Variants in FUT8 observed in about 807,000 individuals in gnomAD.
FUT8 encodes the protein alpha-(1,6)-fucosyltransferase.
A neutral mutation model predicts 71.3 loss-of-function variants in FUT8; 29 were observed. The ratio of observed to expected loss-of-function variants is 0.41; its 90% confidence interval spans 0.30 to 0.55. The LOEUF (loss-of-function observed/expected upper bound fraction) is 0.55. FUT8 is among the 20% of genes least tolerant of loss of function. FUT8 has a pLI of 0.34. For synonymous variants in FUT8, 254 were observed against 239.3 expected (o/e 1.06, Z -0.57); for missense variants, 544 against 702.1 (o/e 0.77, Z 2.55).
upstream of FUT8, among the ~76,000 whole-genome samples, chr14:65,406,530 CTCTCTCTT>C (rs368524060): frequency 1.9e-4 from 29 of 152,120 alleles, 3 homozygotes; most frequent in African/African-American, 6.7e-4. Context: ...GTCTCTCGCT[CTCTCTCTT>C]TCTCTCTTTC....
rs60967671 is a variant in FUT8 at position 65,643,665 on chromosome 14, T to TACACACAC, written c.597+14102_597+14109dup. ...CGAGACTCCGTCTTTAAAAAAAAAA[T>TACACACAC]ACACACACACACACACACACACACA... On this transcript the variant is annotated intron_variant, in intron 6 of 10. Transcript: ENST00000673929. This position sits in a 1 kb window ranked among gnomAD's most constrained non-coding sequence, Gnocchi z 4.5. Among the ~76,000 whole-genome samples the TACACACAC allele has an allele frequency of 0.038, 4,732 of 124,596 alleles. 166 individuals are homozygous for TACACACAC. Among genetic ancestry groups the TACACACAC allele is most frequent in the South Asian group, 0.053 (176 of 3,342 alleles). The allele number at this position is 124,596 out of a possible 152,430, so 81.7% of individuals were successfully genotyped here.
chr14:65,599,342 A>G (rs947557216), intron 3 of FUT8, among the ~76,000 whole-genome samples: 4 of 152,222 alleles, frequency 2.6e-5, no homozygotes, highest in Admixed American at 6.5e-5. Flanking sequence ...TACTTCTAAC[A>G]GTGGTTCACC....
intron 2 of FUT8, among the ~76,000 whole-genome samples, chr14:65,514,851 C>A (rs918480041): frequency 6.6e-6 from 1 of 152,180 alleles, no homozygotes; most frequent in Non-Finnish European, 1.5e-5. Flanking sequence ...TTCTCCTCTT[C>A]AAAATGGAGA....
At chr14:65,384,705 G>GGGT in the FUT8 span, among the ~76,000 whole-genome samples, 2 of 152,110 alleles carry the variant, frequency 1.3e-5, no homozygotes, top group African/African-American at 2.4e-5. This position sits in a 1 kb window ranked among gnomAD's most constrained non-coding sequence, Gnocchi z 4.2. Context: ...CTCAACTGTT[G>GGGT]GGTGCATTTA....
At position 65,610,508 on chromosome 14, in the gene FUT8, GC is replaced by G. The variant is rs539091168; in HGVS notation, c.204-5468del. Among the ~76,000 whole-genome samples, 580 of 151,404 alleles carry G rather than the reference GC, an allele frequency of 3.8e-3. 1 individual carries two copies. The highest frequency in any genetic ancestry group is 0.013 in the African/African-American group (543 of 41,250). On this transcript the variant is annotated intron_variant, in intron 3 of 10. Transcript: ENST00000673929. Reference sequence around the variant, plus strand: ...AGGTTCAAGCAATTCTCCTGCCTCAGCCTCCCGAGTAGCTGGGATTACAGGC... The same window carrying G: ...AGGTTCAAGCAATTCTCCTGCCTCAGCTCCCGAGTAGCTGGGATTACAGGC...
chr14:65,366,985 G>C, the FUT8 span, among the ~76,000 whole-genome samples: 1 of 152,156 alleles, frequency 6.6e-6, no homozygotes, highest in African/African-American at 2.4e-5. Flanking sequence ...AAGGGGAAAT[G>C]AAAGAGAGAA....
rs74245854 is a variant in FUT8 at position 65,567,907 on chromosome 14, G to A, written c.203+6141G>A. Among the ~76,000 whole-genome samples the A allele has an allele frequency of 5.1e-3, 781 of 151,942 alleles. 19 individuals carry two copies. The East Asian group carries it at 0.078, about 15-fold the overall frequency. On this transcript the variant is annotated intron_variant, in intron 3 of 10. Transcript: ENST00000673929. ...TTTTTCCTTCTTGTGATGTCTTTCA[G>A]GTTATCAAGGTTTATGCAGGCCAAT...
chr14:65,507,252 A>G (rs991861031), intron 2 of FUT8, among the ~76,000 whole-genome samples: 3 of 152,208 alleles, frequency 2.0e-5, no homozygotes, highest in African/African-American at 7.2e-5. Flanking sequence ...GCCTTCAACC[A>G]TGTCTATTAC....
chr14:65,735,009 G>A (rs1354718372), intron 10 of FUT8, among the ~76,000 whole-genome samples: 1 of 152,102 alleles, frequency 6.6e-6, no homozygotes, highest in Non-Finnish European at 1.5e-5. Flanking sequence ...CCCCTGTGGA[G>A]CAAAATTGCC....
chr14:65,512,805 A>G (rs945729924), intron 2 of FUT8, among the ~76,000 whole-genome samples: 11 of 148,986 alleles, frequency 7.4e-5, no homozygotes, highest in African/African-American at 2.7e-4. Flanking sequence ...GCTACTCAGG[A>G]GGCTGAGGAA....
chr14:65,595,558 ATTCT>A (rs1290651692), intron 3 of FUT8, among the ~76,000 whole-genome samples: 1 of 146,888 alleles, frequency 6.8e-6, no homozygotes, highest in Non-Finnish European at 1.5e-5. Flanking sequence ...TATTCCTTAT[ATTCT>A]TTATCAAATA....
At chr14:65,737,235 A>G (rs1896260558) in intron 10 of FUT8, among the ~76,000 whole-genome samples, 1 of 151,960 alleles carries the variant, frequency 6.6e-6, no homozygotes, top group South Asian at 2.1e-4. Flanking sequence ...TCTGCTCTCT[A>G]ATTTTGTTAC....
At chr14:65,731,424 A>T (rs1188161458) in intron 9 of FUT8, among the ~76,000 whole-genome samples, 1 of 152,204 alleles carries the variant, frequency 6.6e-6, no homozygotes, top group Non-Finnish European at 1.5e-5. Flanking sequence ...AGTATCTGAA[A>T]CCTCAAGGTA....
rs1018941563 is a variant in FUT8, at chr14:65,664,276, C to T, written c.598-4967C>T. On this transcript the variant is annotated intron_variant, in intron 6 of 10. Coordinates refer to ENST00000673929, the MANE Select transcript of FUT8 (RefSeq NM_001371533.1). ...GAGAATATTATTTATTCCCAGGATC[C>T]TTATATAATATTGTACAGAAATTAA... Among the ~76,000 whole-genome samples the T allele has an allele frequency of 3.3e-5, 5 of 152,008 alleles. 1 individual carries two copies. The highest frequency in any genetic ancestry group is 2.6e-4 in the Admixed American group (4 of 15,256).
chr14:65,720,844 A>T (rs1472202578), intron 7 of FUT8, among the ~76,000 whole-genome samples: 1 of 152,200 alleles, frequency 6.6e-6, no homozygotes, highest in Middle Eastern at 3.4e-3. Context: ...TTCTCCCTCC[A>T]TGGGCATTGG....
the FUT8 span, among the ~76,000 whole-genome samples, chr14:65,376,468 T>C: frequency 2.2e-5 from 3 of 138,870 alleles, no homozygotes; most frequent in Admixed American, 7.2e-5. Context: ...TGGAGTGCGG[T>C]GGTGTGACCT....
At chr14:65,528,219 T>C (rs1197387694) in intron 2 of FUT8, among the ~76,000 whole-genome samples, 1 of 152,252 alleles carries the variant, frequency 6.6e-6, no homozygotes, top group Admixed American at 6.5e-5. Flanking sequence ...TCCAGGCCTC[T>C]TTATTTACCT....
At chr14:65,670,865 T>G (rs930699579) in intron 7 of FUT8, among the ~76,000 whole-genome samples, 1 of 152,182 alleles carries the variant, frequency 6.6e-6, no homozygotes, top group Non-Finnish European at 1.5e-5. Context: ...GTAGGGTGTT[T>G]TAGAAGCCTT....
At chr14:65,454,602 T>C (rs2139554886) in intron 1 of FUT8, among the ~76,000 whole-genome samples, 1 of 152,328 alleles carries the variant, frequency 6.6e-6, no homozygotes, top group East Asian at 1.9e-4. Context: ...TCAGTAGACT[T>C]TGATGTCATT....
Sources: gnomAD v4.1 joint callset for allele counts (sites outside exome capture counted in the v4.1 genomes callset) on GRCh38, gnomAD v4.1.1 for gene constraint, Gnocchi (gnomAD v3.1) non-coding constraint, MANE v1.5 for transcripts, NCBI Gene and HGNC (gene_info 2026-07-23, HGNC 2026-07-21) for gene names.